The following MARCHF1 variants were observed in gnomAD, a reference collection of about 807,000 sequenced individuals.
MARCHF1 encodes membrane associated ring-CH-type finger 1.
In MARCHF1, 40 loss-of-function variants were observed where a neutral mutation model predicts 54.2. The observed-to-expected ratio is 0.74, with a 90% CI of 0.57 to 0.96. The LOEUF (loss-of-function observed/expected upper bound fraction) is 0.96, where lower values mean the gene tolerates loss of function less well. Ranked by LOEUF, MARCHF1 falls within the 40% of genes least tolerant of loss-of-function variation. The pLI, the probability that MARCHF1 is intolerant of heterozygous loss-of-function variation, is 0.00. For missense variants in MARCHF1, 586 were observed against 656.5 expected (o/e 0.89, Z 1.17); for synonymous variants, 236 against 236.3 (o/e 1.00, Z 0.01).
chr4:164,114,701 C>T (rs150689080), intron 1 of MARCHF1, among the ~76,000 whole-genome samples: 72 of 149,690 alleles, frequency 4.8e-4, no homozygotes, highest in African/African-American at 1.2e-3. Context: ...TATTTTATTA[C>T]GATAAATAGT....
chr4:163,725,681 G>T (rs1201103691), intron 4 of MARCHF1, among the ~76,000 whole-genome samples: 1 of 152,054 alleles, frequency 6.6e-6, no homozygotes. Flanking sequence ...AGCATGTCAG[G>T]GCACAGAATC....
At chr4:163,870,555 A>T (rs1490208783) in intron 3 of MARCHF1, among the ~76,000 whole-genome samples, 1 of 152,124 alleles carries the variant, frequency 6.6e-6, no homozygotes, top group African/African-American at 2.4e-5. Flanking sequence ...TATCACATTT[A>T]CCTGACGTGA....
At position 163,527,759 on chromosome 4, in the gene MARCHF1, G is replaced by A. The variant is rs2110843798; in HGVS notation, c.*989C>T. 1 of 152,140 alleles carries A rather than the reference G, an allele frequency of 6.6e-6. No individual in the cohort carries two copies. Among genetic ancestry groups the A allele is most frequent in the Admixed American group, 6.6e-5 (1 of 15,264 alleles). The allele number at this position is 152,140 out of a possible 1,614,324, so 9.4% of individuals were successfully genotyped here. A position where few individuals can be genotyped will look rare whatever the true frequency, so the allele number is the denominator to read the frequency against. ...CAATATAGTTAATTCAAGTTGAAGT[G>A]TACTTTTAAATTACCAACTGGATTT... On this transcript the variant is annotated 3_prime_UTR_variant, in exon 10 of 10. Transcript: ENST00000514618.
At chr4:164,041,125 T>A (rs1046956995) in intron 2 of MARCHF1, among the ~76,000 whole-genome samples, 9 of 152,134 alleles carry the variant, frequency 5.9e-5, no homozygotes, top group African/African-American at 2.2e-4. Flanking sequence ...TGAAGCCAAC[T>A]AACCCCACCT....
chr4:163,803,301 G>A (rs1288599708), intron 4 of MARCHF1, among the ~76,000 whole-genome samples: 1 of 152,096 alleles, frequency 6.6e-6, no homozygotes, highest in African/African-American at 2.4e-5. Flanking sequence ...AACCTCTTGA[G>A]TAGCTGGGAT....
intron 5 of MARCHF1, chr4:163,613,674 T>A (rs1239537592): frequency 1.5e-6 from 2 of 1,319,188 alleles, no homozygotes; most frequent in Non-Finnish European, 2.0e-6. Context: ...ACTGTAATCA[T>A]TTGAGTGGAA....
rs896623892 is a variant in MARCHF1 at position 164,285,925 on chromosome 4, TA to T, written c.-323+97944del. On this transcript the variant is annotated intron_variant, in intron 1 of 9. Coordinates refer to ENST00000514618, the MANE Select transcript of MARCHF1 (RefSeq NM_001394959.1). ...ATATTTCTCCCAGCAGAACTTCTCA[TA>T]AAAAAATTATGATCTGGACTACCTC... 3.3e-5 allele frequency among the ~76,000 whole-genome samples: 5 copies of T among 149,434 alleles called. No individual in the cohort carries two copies. The East Asian group carries it at 1.0e-3, about 30-fold the overall frequency.
chr4:163,564,971 C>T (rs1192094337), intron 8 of MARCHF1, among the ~76,000 whole-genome samples: 1 of 152,028 alleles, frequency 6.6e-6, no homozygotes, highest in Non-Finnish European at 1.5e-5. Flanking sequence ...GGAAGGAACT[C>T]CCTAAACTGG....
chr4:163,760,101 G>C (rs1379529332), intron 4 of MARCHF1, among the ~76,000 whole-genome samples: 1 of 152,182 alleles, frequency 6.6e-6, no homozygotes, highest in African/African-American at 2.4e-5. Flanking sequence ...GGCTGTAAGG[G>C]GGAATCAGTT....
intron 9 of MARCHF1, among the ~76,000 whole-genome samples, chr4:163,543,991 A>G (rs1446637401): frequency 1.3e-5 from 2 of 152,178 alleles, no homozygotes; most frequent in Admixed American, 6.5e-5. Context: ...TAAATGTGTC[A>G]TCTAATCTAA....
chr4:163,939,814 G>T (rs965531700), intron 3 of MARCHF1, among the ~76,000 whole-genome samples: 1 of 152,050 alleles, frequency 6.6e-6, no homozygotes, highest in African/African-American at 2.4e-5. Context: ...ATAACATGCC[G>T]AACTATTAAT....
intron 2 of MARCHF1, among the ~76,000 whole-genome samples, chr4:164,093,252 AAC>A (rs959147515): frequency 6.6e-6 from 1 of 152,104 alleles, no homozygotes; most frequent in African/African-American, 2.4e-5. Flanking sequence ...CTATAACTAA[AAC>A]ACAGGAGGAA....
At chr4:164,124,608 G>T (rs1163438337) in intron 1 of MARCHF1, among the ~76,000 whole-genome samples, 1 of 126,130 alleles carries the variant, frequency 7.9e-6, no homozygotes, top group African/African-American at 2.8e-5. Context: ...AAAATAATGA[G>T]ATCCAGTCAT....
chr4:164,082,274 A>G (rs559126545), intron 2 of MARCHF1, among the ~76,000 whole-genome samples: 8 of 152,322 alleles, frequency 5.3e-5, no homozygotes, highest in African/African-American at 1.9e-4. Flanking sequence ...ATTATCTATC[A>G]GTGAAGTAAA....
chr4:163,630,812 A>C (rs567630072), intron 5 of MARCHF1, among the ~76,000 whole-genome samples: 1 of 152,278 alleles, frequency 6.6e-6, no homozygotes, highest in Admixed American at 6.5e-5. Flanking sequence ...AGAAAGATGA[A>C]TACAAAAAAG....
At chr4:163,922,902 G>T (rs1319183418) in intron 3 of MARCHF1, among the ~76,000 whole-genome samples, 1 of 151,852 alleles carries the variant, frequency 6.6e-6, no homozygotes, top group Non-Finnish European at 1.5e-5. Flanking sequence ...TTAGAAAAAA[G>T]AATCACCAAT....
At chr4:163,609,410 T>C (rs1012776409) in intron 7 of MARCHF1, among the ~76,000 whole-genome samples, 1 of 152,000 alleles carries the variant, frequency 6.6e-6, no homozygotes, top group Non-Finnish European at 1.5e-5. Context: ...ATCCAAACTC[T>C]GAGATTGTCC....
At chr4:163,804,934 G>A (rs953052670) in intron 4 of MARCHF1, among the ~76,000 whole-genome samples, 2 of 152,118 alleles carry the variant, frequency 1.3e-5, no homozygotes, top group Admixed American at 1.3e-4. Context: ...AAATTTCAGT[G>A]ATTGCAATCT....
intron 2 of MARCHF1, among the ~76,000 whole-genome samples, chr4:164,076,587 A>G (rs1754986311): frequency 6.6e-6 from 1 of 152,194 alleles, no homozygotes; most frequent in African/African-American, 2.4e-5. Context: ...ACAGGAAGAG[A>G]GGAAGTCAAA....
Sources: gnomAD v4.1 joint callset for allele counts (sites outside exome capture counted in the v4.1 genomes callset) on GRCh38, gnomAD v4.1.1 for gene constraint, MANE v1.5 for transcripts, NCBI Gene and HGNC (gene_info 2026-07-23, HGNC 2026-07-21) for gene names.